The following CCAR2 variants were observed in gnomAD, a reference collection of about 807,000 sequenced individuals.
The protein encoded by CCAR2 is cell cycle and apoptosis regulator 2.
A neutral mutation model predicts 108.1 loss-of-function variants in CCAR2; 21 were observed. The ratio of observed to expected loss-of-function variants is 0.19; its 90% CI spans 0.14 to 0.28. The LOEUF is 0.28. Among genes scored for constraint, CCAR2 ranks in the 10% least tolerant of loss-of-function variants. The pLI, the probability that CCAR2 is intolerant of heterozygous loss-of-function variation, is 1.00. For missense variants in CCAR2, 1,126 were observed against 1,177.0 expected (o/e 0.96, Z 0.63); for synonymous variants, 577 against 472.8 (o/e 1.22, Z -2.86).
Position 22,619,028 on chromosome 8 carries a change from G to A in CCAR2, c.2521+13G>A. The A allele has an allele frequency of 6.2e-7, 1 of 1,611,554 alleles. No individual in the cohort carries two copies. The highest frequency in any genetic ancestry group is 1.7e-5 in the Admixed American group (1 of 59,862). ...GAGCTGAAGCTGGGTGAGGGCCTGG[G>A]GCTGCAGCCACCATGGGGTCACATG... is the stretch of plus-strand genomic sequence containing the variant. On this transcript the variant is annotated intron_variant, in intron 19 of 20. Transcript: ENST00000308511.
intron 6 of CCAR2, 142 bp downstream of exon 6, chr8:22,607,467 GTTTTTTTTTTTT>G: frequency 2.5e-6 from 1 of 403,672 alleles, no homozygotes; most frequent in East Asian, 5.6e-5. Flanking sequence ...GGTGTTTAGG[GTTTTTTTTTTTT>G]TTTTTTTTGA....
chr8:22,606,451 GATGGAGT>G, intron 3 of CCAR2, 149 bp from the exon 4 acceptor site: 1 of 661,114 alleles, frequency 1.5e-6, no homozygotes, highest in African/African-American at 1.8e-5. Flanking sequence ...AACCCCTAAT[GATGGAGT>G]ATGCCCACCA....
chr8:22,607,441 G>A, intron 6 of CCAR2, 116 bp downstream of exon 6: 1 of 1,258,504 alleles, frequency 7.9e-7, no homozygotes, highest in South Asian at 1.5e-5. Context: ...TGGAAGAAAG[G>A]TGGGCAATCT....
chr8:22,613,633 C>T (rs970600880), intron 8 of CCAR2, among the ~76,000 whole-genome samples: 1 of 152,144 alleles, frequency 6.6e-6, no homozygotes, highest in Non-Finnish European at 1.5e-5. Context: ...TTCCCCGTGC[C>T]GTTGCCAACA....
intron 7 of CCAR2, among the ~76,000 whole-genome samples, chr8:22,611,254 G>C (rs201392073): frequency 6.6e-6 from 1 of 151,366 alleles, no homozygotes; most frequent in Admixed American, 6.6e-5. Flanking sequence ...CCAGCTACTC[G>C]GGAGGCTGAG....
At position 22,606,110 on chromosome 8, in the gene CCAR2, CCCT is replaced by C; in HGVS notation, c.91_93del (p.Pro31del). ...GCACAGCTTCAACATCTCTTCTGGG[CCCT>C]CCTCCTGGTTTGCTCACTCCTCCTG... On this transcript the variant is annotated inframe_deletion, in exon 3 of 21. Coordinates refer to ENST00000308511, the MANE Select transcript of CCAR2 (RefSeq NM_001393997.1). 6.2e-7 allele frequency: 1 copy of C among 1,613,564 alleles called. No homozygotes were observed. The highest frequency in any genetic ancestry group is 1.3e-5 in the African/African-American group (1 of 74,926).
intron 7 of CCAR2, among the ~76,000 whole-genome samples, chr8:22,609,463 C>G (rs1455464781): frequency 6.6e-6 from 1 of 152,178 alleles, no homozygotes; most frequent in African/African-American, 2.4e-5. Context: ...ATTGTGAATT[C>G]TAAGTAGGGG....
chr8:22,611,388 A>ATGTGTGTGTGTGTGTGTGTGTGTGTG (rs145362940), intron 7 of CCAR2, among the ~76,000 whole-genome samples: 2 of 128,478 alleles, frequency 1.6e-5, no homozygotes, highest in African/African-American at 6.4e-5. Context: ...AAGTATATAT[A>ATGTGTGTGTGTGTGTGTGTGTGTGTG]TGTGTGTGTG....
intron 14 of CCAR2, chr8:22,616,571 A>G (rs1801517181): frequency 2.9e-6 from 1 of 348,804 alleles, no homozygotes; most frequent in Admixed American, 4.4e-5. Context: ...TAATCCCAGC[A>G]CTTTGGGAGA....
At position 22,618,648 on chromosome 8, in the gene CCAR2, A is replaced by C. The variant is rs200620512; in HGVS notation, c.2252A>C (p.Gln751Pro). ...CAGCTGGTCAGCAGGGTGGTGACCC[A>C]GAACATCTGCCAGTACCGGAGCCTT... Reference protein sequence around the residue: ...AKQLVSRVVTQNICQYRSLQY... With the variant: ...AKQLVSRVVTPNICQYRSLQY... The change falls in exon 18 of 21, where the codon CAG (glutamine) becomes CCG (proline). Residue 751 changes from glutamine (Q) to proline (P), a missense_variant. Transcript: ENST00000308511. 1.8e-5 allele frequency: 29 copies of C among 1,614,018 alleles called. No homozygotes were observed. In the Middle Eastern group the frequency reaches 9.9e-4, roughly 55 times the overall value.
At chr8:22,608,773 C>T (rs552102465) in intron 7 of CCAR2, among the ~76,000 whole-genome samples, 34 of 152,292 alleles carry the variant, frequency 2.2e-4, no homozygotes, top group African/African-American at 7.5e-4. Context: ...GTTTAAGACT[C>T]GTTCTAGTTC....
Position 22,606,481 on chromosome 8 carries a change from A to C in CCAR2, c.151-126A>C, listed in dbSNP as rs897888652. 45 of 754,738 alleles carry C rather than the reference A, an allele frequency of 6.0e-5. No homozygotes were observed. In the African/African-American group the frequency reaches 7.1e-4, roughly 12 times the overall value. 46.8% of individuals were successfully genotyped at this position (754,738 alleles called of 1,614,324 possible). ...AGTATGCCCACCACACCTGTACTTC[A>C]CTCTGTGCGAACTCTTGATGCAGTA... On this transcript the variant is annotated intron_variant, in intron 3 of 20. Transcript: ENST00000308511.
rs1312873732 is a variant in CCAR2 at position 22,618,443 on chromosome 8, G to A, written c.2168G>A (p.Arg723Gln). 1.9e-6 allele frequency: 3 copies of A among 1,614,090 alleles called. No homozygotes were observed. The highest frequency in any genetic ancestry group is 2.5e-6 in the Non-Finnish European group (3 of 1,180,056). ...AACTGGTGTGGCTACTTGCACCGGC[G>A]AGACTTAGAGAGGATCCTCCTTACC... ...DANWCGYLHR[R>Q]DLERILLTLG... Residue 723 changes from arginine (R) to glutamine (Q), a missense_variant, in exon 17 of 21, where the codon CGA becomes CAA. Coordinates refer to ENST00000308511, the MANE Select transcript of CCAR2 (RefSeq NM_001393997.1).
chr8:22,606,567 T>G (rs756656733), intron 3 of CCAR2, 40 bp from the exon 4 acceptor site: 1 of 1,531,672 alleles, frequency 6.5e-7, no homozygotes, highest in Non-Finnish European at 9.0e-7. Context: ...TTTGTCCAGT[T>G]TCCTCCCTTT....
Position 22,605,778 on chromosome 8 carries a change from C to G in CCAR2, c.5C>G (p.Ser2Cys). The G allele has an allele frequency of 6.2e-7, 1 of 1,613,954 alleles. No individual in the cohort carries two copies. The highest frequency in any genetic ancestry group is 8.5e-7 in the Non-Finnish European group (1 of 1,179,888). The change falls in exon 2 of 21, where the codon TCC becomes TGC. Residue 2 changes from serine (S) to cysteine (C), a missense_variant. Ser to Cys is a moderately radical substitution (Grantham distance 112). Coordinates refer to ENST00000308511, the MANE Select transcript of CCAR2 (RefSeq NM_001393997.1). ...TGAAAGAGGACAGCGTTCCCAATGT[C>G]CCAGTTTAAGCGCCAGCGGATCAAC... MSQFKRQRINPL... is the reference protein window; with the variant it reads MCQFKRQRINPL...
At position 22,619,847 on chromosome 8, in the gene CCAR2, C is replaced by T. The variant is rs1801694127; in HGVS notation, c.*165C>T. 4.3e-6 allele frequency: 3 copies of T among 699,196 alleles called. No homozygotes were observed. The highest frequency in any genetic ancestry group is 5.4e-5 in the East Asian group (2 of 36,784). The allele number at this position is 699,196 out of a possible 1,614,324, so 43.3% of individuals were successfully genotyped here. A position where few individuals can be genotyped will look rare whatever the true frequency, so the allele number is the denominator to read the frequency against. On this transcript the variant is annotated 3_prime_UTR_variant, in exon 21 of 21. Transcript: ENST00000308511. ...GGACGGCAGGCCATCAGGCTGGGGG[C>T]TGTGCTATGTGGGATGGATGTGTGA...
At position 22,609,085 on chromosome 8, in the gene CCAR2, C is replaced by T. The variant is rs1377398169; in HGVS notation, c.584+1020C>T. 7.0e-5 allele frequency among the ~76,000 whole-genome samples: 10 copies of T among 143,590 alleles called. No homozygotes were observed. The South Asian group carries it at 2.2e-3, about 31-fold the overall frequency. The allele number at this position is 143,590 out of a possible 152,430, so 94.2% of individuals were successfully genotyped here. On this transcript the variant is annotated intron_variant, in intron 7 of 20. Coordinates refer to ENST00000308511, the MANE Select transcript of CCAR2 (RefSeq NM_001393997.1). ...TTTTTTTTTGAGACAAGGGCTTGCT[C>T]CGTCACCCAGGCTGGAGTGTGGTGG...
At chr8:22,619,051 A>T in intron 19 of CCAR2, 36 bp downstream of exon 19, 4 of 1,607,674 alleles carry the variant, frequency 2.5e-6, no homozygotes, top group Non-Finnish European at 3.4e-6. Context: ...ATGGGGTCAC[A>T]TGCAGACCAG....
chr8:22,617,818 T>C, intron 16 of CCAR2, 40 bp downstream of exon 16: 2 of 1,603,448 alleles, frequency 1.2e-6, no homozygotes, highest in Non-Finnish European at 1.7e-6. Flanking sequence ...TCAGTGGTGG[T>C]GAGGCTTGGC....
Sources: gnomAD v4.1 joint callset for allele counts (sites outside exome capture counted in the v4.1 genomes callset) on GRCh38, gnomAD v4.1.1 for gene constraint, MANE v1.5 for transcripts, NCBI Gene and HGNC (gene_info 2026-07-23, HGNC 2026-07-21) for gene names.